Variants in SCD5 observed in about 807,000 individuals in gnomAD.
SCD5 encodes acyl-CoA-desaturase 4.
A neutral mutation model predicts 30.4 loss-of-function variants in SCD5; 20 were observed. The ratio of observed to expected loss-of-function variants is 0.66; its 90% CI spans 0.46 to 0.96. SCD5 has a LOEUF of 0.96. SCD5 is among the 40% of genes least tolerant of loss of function. SCD5 has a pLI of 0.00. For missense variants in SCD5, 381 were observed against 443.3 expected, an observed-to-expected ratio of 0.86 and a Z score of 1.26; for synonymous variants, 173 against 176.4, an observed-to-expected ratio of 0.98 and a Z score of 0.16.
At chr4:82,767,892 T>C (rs538781195) in intron 1 of SCD5, among the ~76,000 whole-genome samples, 1 of 152,338 alleles carries the variant, frequency 6.6e-6, no homozygotes, top group East Asian at 1.9e-4. Flanking sequence ...CCTCTGGTTC[T>C]ACTGGGCTAC....
intron 1 of SCD5, among the ~76,000 whole-genome samples, chr4:82,723,470 T>C (rs1210171141): frequency 6.6e-6 from 1 of 152,244 alleles, no homozygotes; most frequent in Non-Finnish European, 1.5e-5. Flanking sequence ...CTGTACTATA[T>C]ACTTTTTTGC....
intron 2 of SCD5, among the ~76,000 whole-genome samples, chr4:82,693,956 G>A (rs17006133): frequency 0.011 from 1,663 of 152,330 alleles, 30 homozygotes; most frequent in African/African-American, 0.038. Context: ...CCAGTCACAA[G>A]AGGGAATGCG....
chr4:82,680,765 C>G lies in SCD5; in HGVS notation c.511G>C (p.Gly171Arg). Residue 171 changes from glycine to arginine, a missense_variant, in exon 3 of 5, where the codon GGG (glycine) becomes CGG (arginine). Coordinates refer to ENST00000319540, the MANE Select transcript of SCD5 (RefSeq NM_001037582.3). ...AGGTCAGTGACGTCAAGCTTTCTCCCCTTCTCAATAACATCTCGATGCTTG... is the reference window on the plus strand; with the variant it reads ...AGGTCAGTGACGTCAAGCTTTCTCCGCTTCTCAATAACATCTCGATGCTTG... ...VRKHRDVIEK[G>R]RKLDVTDLLA... 1 of 1,614,040 alleles carries G rather than the reference C, an allele frequency of 6.2e-7. No individual in the cohort carries two copies. The highest frequency in any genetic ancestry group is 8.5e-7 in the Non-Finnish European group (1 of 1,180,018).
At chr4:82,685,201 T>C (rs566117115) in intron 2 of SCD5, among the ~76,000 whole-genome samples, 4 of 152,188 alleles carry the variant, frequency 2.6e-5, no homozygotes, top group African/African-American at 9.6e-5. Context: ...GAGGCACAGG[T>C]AGGTGGGCGA....
chr4:82,782,089 T>A (rs142522290), intron 1 of SCD5, among the ~76,000 whole-genome samples: 1 of 150,444 alleles, frequency 6.6e-6, no homozygotes, highest in African/African-American at 2.5e-5. Flanking sequence ...GACCCTCCTA[T>A]CTTGGGTCAC....
At chr4:82,697,815 G>A (rs1034425008) in intron 2 of SCD5, among the ~76,000 whole-genome samples, 4 of 152,110 alleles carry the variant, frequency 2.6e-5, no homozygotes, top group African/African-American at 7.2e-5. Context: ...CCACTTTGTC[G>A]GAGTATTCCG....
At chr4:82,675,200 GGA>G (rs1041746822) in intron 3 of SCD5, among the ~76,000 whole-genome samples, 2 of 152,120 alleles carry the variant, frequency 1.3e-5, no homozygotes, top group Admixed American at 1.3e-4. Flanking sequence ...GCTGATAATG[GGA>G]GAGGCTATGC....
At chr4:82,698,081 G>T (rs1719733558) in intron 2 of SCD5, 1 of 456,510 alleles carries the variant, frequency 2.2e-6, no homozygotes, top group African/African-American at 2.0e-5. Context: ...TTCTGCTGCT[G>T]CCTGTTTACA....
At chr4:82,674,692 A>C (rs1728398778) in intron 3 of SCD5, among the ~76,000 whole-genome samples, 1 of 152,184 alleles carries the variant, frequency 6.6e-6, no homozygotes, top group Non-Finnish European at 1.5e-5. Flanking sequence ...CTCTAGCTTT[A>C]TTATTACCAA....
chr4:82,741,752 A>AC (rs1285182350), intron 1 of SCD5, among the ~76,000 whole-genome samples: 1 of 149,706 alleles, frequency 6.7e-6, no homozygotes, highest in Non-Finnish European at 1.5e-5. Flanking sequence ...TGTGAAACAG[A>AC]CCCCCTTACA....
chr4:82,696,025 G>C (rs560120335), intron 2 of SCD5, among the ~76,000 whole-genome samples: 1 of 152,316 alleles, frequency 6.6e-6, no homozygotes, highest in South Asian at 2.1e-4. Flanking sequence ...CCACTTCTTA[G>C]ATATTACTTG....
At chr4:82,759,014 G>A (rs1721290230) in intron 1 of SCD5, among the ~76,000 whole-genome samples, 1 of 152,246 alleles carries the variant, frequency 6.6e-6, no homozygotes, top group South Asian at 2.1e-4. Context: ...ACCGGCAACT[G>A]CTGCGCGGGT....
chr4:82,784,393 A>G (rs1391246037), intron 1 of SCD5, among the ~76,000 whole-genome samples: 1 of 152,210 alleles, frequency 6.6e-6, no homozygotes, highest in East Asian at 1.9e-4. Flanking sequence ...CTGCAGTGCC[A>G]TCTTCTACAT....
At chr4:82,660,890 G>T in intron 3 of SCD5, 2 of 1,614,016 alleles carry the variant, frequency 1.2e-6, no homozygotes, top group Non-Finnish European at 1.7e-6. Flanking sequence ...AATACCTCCA[G>T]GGACACAGAA....
At chr4:82,719,367 ACACAGTAGG>A (rs1720305215) in intron 1 of SCD5, among the ~76,000 whole-genome samples, 1 of 151,666 alleles carries the variant, frequency 6.6e-6, no homozygotes, top group African/African-American at 2.4e-5. Context: ...TACCCACTAG[ACACAGTAGG>A]CACAGTGCTC....
At chr4:82,759,622 T>C (rs1721311627) in intron 1 of SCD5, among the ~76,000 whole-genome samples, 1 of 138,322 alleles carries the variant, frequency 7.2e-6, no homozygotes, top group South Asian at 2.3e-4. Context: ...CTGTCCAGCC[T>C]AGGCAACACA....
intron 2 of SCD5, among the ~76,000 whole-genome samples, chr4:82,689,349 C>T (rs993405557): frequency 2.0e-5 from 3 of 151,574 alleles, no homozygotes; most frequent in Admixed American, 6.6e-5. Context: ...CCAGCCTGGG[C>T]AACACAGCAA....
intron 1 of SCD5, among the ~76,000 whole-genome samples, chr4:82,720,441 T>TAAAAAAAAAAAAAAAAAAAAAA (rs1553917690): frequency 1.3e-5 from 1 of 77,940 alleles, no homozygotes; most frequent in African/African-American, 5.3e-5. Context: ...AAGGCAAAAA[T>TAAAAAAAAAAAAAAAAAAAAAA]AAAAAAAAAA....
chr4:82,776,934 A>C (rs1721756798), intron 1 of SCD5, among the ~76,000 whole-genome samples: 1 of 152,238 alleles, frequency 6.6e-6, no homozygotes, highest in Non-Finnish European at 1.5e-5. Flanking sequence ...TGTAGCTTAG[A>C]GATTTTAATA....
Sources: gnomAD v4.1 joint callset for allele counts (sites outside exome capture counted in the v4.1 genomes callset) on GRCh38, gnomAD v4.1.1 for gene constraint, MANE v1.5 for transcripts, NCBI Gene and HGNC (gene_info 2026-07-23, HGNC 2026-07-21) for gene names.